CYSLTR2: variants seen among roughly 807,000 people sequenced by gnomAD.
The protein encoded by CYSLTR2 is G-protein coupled receptor GPCR21.
For missense variants in CYSLTR2, 398 were observed against 411.9 expected (o/e 0.97, Z 0.29); for synonymous variants, 179 against 160.8 (o/e 1.11, Z -0.86).
chr13:48,658,220 C>T (rs989458263), intron 1 of CYSLTR2, among the ~76,000 whole-genome samples: 1 of 152,126 alleles, frequency 6.6e-6, no homozygotes. Context: ...CATCTGGGTA[C>T]CCTCTGTGGC....
intron 1 of CYSLTR2, among the ~76,000 whole-genome samples, chr13:48,669,498 A>G (rs1290789824): frequency 2.6e-5 from 4 of 151,360 alleles, no homozygotes; most frequent in Non-Finnish European, 4.4e-5. Flanking sequence ...TCATTGTTCA[A>G]CTCCCACTTA....
intron 1 of CYSLTR2, among the ~76,000 whole-genome samples, chr13:48,666,191 GT>G (rs1311457988): frequency 5.3e-5 from 8 of 152,042 alleles, no homozygotes; most frequent in Non-Finnish European, 8.8e-5. Flanking sequence ...TCATGGACAG[GT>G]TTTTTCTTTT....
chr13:48,694,539 C>T (rs962099605), intron 3 of CYSLTR2: 1 of 152,190 alleles, frequency 6.6e-6, no homozygotes, highest in Non-Finnish European at 1.5e-5. Context: ...TGACAGTTCT[C>T]AACAAAATAT....
At chr13:48,704,539 A>G (rs1045702891) in intron 4 of CYSLTR2, among the ~76,000 whole-genome samples, 1 of 141,254 alleles carries the variant, frequency 7.1e-6, no homozygotes, top group African/African-American at 2.6e-5. Flanking sequence ...TTGAGGATGG[A>G]GCTTATATTC....
chr13:48,671,383 T>G (rs1953425873), intron 1 of CYSLTR2, among the ~76,000 whole-genome samples: 1 of 152,236 alleles, frequency 6.6e-6, no homozygotes, highest in Non-Finnish European at 1.5e-5. Context: ...TTCCAGCTTT[T>G]GCCCATTCAG....
intron 4 of CYSLTR2, among the ~76,000 whole-genome samples, chr13:48,703,131 T>G (rs1269512688): frequency 6.6e-6 from 1 of 152,136 alleles, no homozygotes; most frequent in African/African-American, 2.4e-5. Context: ...CTGTTTATTT[T>G]GTATTCTGCC....
chr13:48,662,885 C>T (rs183901002), intron 1 of CYSLTR2, among the ~76,000 whole-genome samples: 6 of 152,146 alleles, frequency 3.9e-5, no homozygotes, highest in African/African-American at 1.4e-4. Flanking sequence ...GCTTTTGTTG[C>T]CTGTGCTTTT....
chr13:48,694,050 A>G (rs1222909178), intron 3 of CYSLTR2, among the ~76,000 whole-genome samples: 1 of 152,206 alleles, frequency 6.6e-6, no homozygotes, highest in African/African-American at 2.4e-5. Flanking sequence ...GTGCAGTTTT[A>G]GGTTGAGTGG....
intron 1 of CYSLTR2, among the ~76,000 whole-genome samples, chr13:48,690,297 G>A (rs944161914): frequency 6.6e-6 from 1 of 152,134 alleles, no homozygotes; most frequent in African/African-American, 2.4e-5. Context: ...ATGTTGAATA[G>A]GAGTGGTGAG....
rs148112281 is a variant in CYSLTR2, at chr13:48,708,060, G to A, written c.*202G>A. 5.0e-3 allele frequency: 2,270 copies of A among 453,832 alleles called. 9 individuals are homozygous for A. The highest frequency in any genetic ancestry group is 0.01 in the Middle Eastern group (17 of 1,670). The allele number at this position is 453,832 out of a possible 1,614,324, so 28.1% of individuals were successfully genotyped here. A position where few individuals can be genotyped will look rare whatever the true frequency, so the allele number is the denominator to read the frequency against. On this transcript the variant is annotated 3_prime_UTR_variant, in exon 5 of 5. Transcript: ENST00000682523. The stretch of plus-strand genomic sequence containing the variant: ...TGTTGAGTCTTAATGAGGGATACAG[G>A]AGGAAAAATCCCTACTAGAGTCCTG...
At chr13:48,704,397 T>G (rs1478293410) in intron 4 of CYSLTR2, among the ~76,000 whole-genome samples, 1 of 152,188 alleles carries the variant, frequency 6.6e-6, no homozygotes, top group African/African-American at 2.4e-5. Context: ...GGCATGCACC[T>G]GCAATCGATT....
intron 4 of CYSLTR2, 95 bp from the exon 5 acceptor site, chr13:48,706,722 G>A: frequency 7.0e-6 from 7 of 1,003,654 alleles, no homozygotes; most frequent in East Asian, 2.4e-5. Flanking sequence ...ATTGCTCCCT[G>A]TTTCATTAAA....
intron 4 of CYSLTR2, among the ~76,000 whole-genome samples, chr13:48,697,756 G>A (rs572892534): frequency 1.3e-5 from 2 of 152,222 alleles, no homozygotes; most frequent in South Asian, 4.1e-4. Context: ...TCACAAAGAA[G>A]CTAAAAACCT....
intron 4 of CYSLTR2, among the ~76,000 whole-genome samples, chr13:48,704,547 T>C (rs544445968): frequency 3.3e-5 from 5 of 152,256 alleles, no homozygotes; most frequent in Admixed American, 1.3e-4. Context: ...GGAGCTTATA[T>C]TCTTATTTCG....
intron 1 of CYSLTR2, among the ~76,000 whole-genome samples, chr13:48,668,162 G>A (rs913842843): frequency 6.6e-6 from 1 of 151,900 alleles, no homozygotes; most frequent in Admixed American, 6.6e-5. Flanking sequence ...GTGTCTGCCT[G>A]ACATATATCC....
At chr13:48,672,816 C>T (rs946835933) in intron 1 of CYSLTR2, among the ~76,000 whole-genome samples, 5 of 152,026 alleles carry the variant, frequency 3.3e-5, no homozygotes, top group African/African-American at 1.2e-4. Context: ...CGGGGTTTCA[C>T]TGTGTTAGCC....
intron 1 of CYSLTR2, among the ~76,000 whole-genome samples, chr13:48,672,174 T>C (rs1953449655): frequency 6.6e-6 from 1 of 152,160 alleles, no homozygotes; most frequent in South Asian, 2.1e-4. Context: ...CTTCTGTCTT[T>C]TCTTCTTTAT....
At position 48,708,685 on chromosome 13, in the gene CYSLTR2, T is replaced by C. The variant is rs200554215; in HGVS notation, c.*827T>C. 338 of 167,170 alleles carry C rather than the reference T, an allele frequency of 2.0e-3. No individual in the cohort carries two copies. Among genetic ancestry groups the C allele is most frequent in the African/African-American group, 7.8e-3 (325 of 41,570 alleles). 10.4% of individuals were successfully genotyped at this position (167,170 alleles called of 1,614,324 possible). On this transcript the variant is annotated 3_prime_UTR_variant, in exon 5 of 5. Transcript: ENST00000682523. The stretch of plus-strand genomic sequence containing the variant: ...TGCAGTTCTCCTTCCCATTAATTCA[T>C]TGGGATGGAAGCCAAAAATAAAAGA...
At chr13:48,701,033 A>T (rs1954328933) in intron 4 of CYSLTR2, among the ~76,000 whole-genome samples, 1 of 151,422 alleles carries the variant, frequency 6.6e-6, no homozygotes, top group Non-Finnish European at 1.5e-5. Context: ...AAGAACATTC[A>T]ATATTGTGAA....
Sources: gnomAD v4.1 joint callset for allele counts (sites outside exome capture counted in the v4.1 genomes callset) on GRCh38, gnomAD v4.1.1 for gene constraint, MANE v1.5 for transcripts, NCBI Gene and HGNC (gene_info 2026-07-23, HGNC 2026-07-21) for gene names.